Variants in CTNNAL1 observed in about 807,000 individuals in gnomAD.
The protein encoded by CTNNAL1 is catenin alpha like 1.
In CTNNAL1, 69 loss-of-function variants were observed where a neutral mutation model predicts 93.6. The ratio of observed to expected loss-of-function variants is 0.74; its 90% CI spans 0.61 to 0.90. The LOEUF (loss-of-function observed/expected upper bound fraction) is 0.90, where lower values mean the gene tolerates loss of function less well. Ranked by LOEUF, CTNNAL1 falls within the 40% of genes least tolerant of loss-of-function variation. The pLI, the probability that CTNNAL1 is intolerant of heterozygous loss-of-function variation, is 0.00. For synonymous variants in CTNNAL1, 286 were observed against 305.4 expected, an observed-to-expected ratio of 0.94 and a Z score of 0.66; for missense variants, 836 against 862.0, an observed-to-expected ratio of 0.97 and a Z score of 0.38.
intron 17 of CTNNAL1, 119 bp downstream of exon 17, chr9:108,943,584 A>G: frequency 1.4e-6 from 1 of 733,736 alleles, no homozygotes; most frequent in Non-Finnish European, 2.2e-6. Flanking sequence ...TCTTGTAGAC[A>G]AGGCATGAAA....
chr9:109,012,582 G>C (rs1827238213), intron 1 of CTNNAL1, among the ~76,000 whole-genome samples: 2 of 152,212 alleles, frequency 1.3e-5, no homozygotes, highest in Non-Finnish European at 2.9e-5. Context: ...TCGGTTAGCT[G>C]ATTGGCAAAT....
At chr9:108,963,853 G>C (rs1830882954) in intron 11 of CTNNAL1, among the ~76,000 whole-genome samples, 1 of 152,184 alleles carries the variant, frequency 6.6e-6, no homozygotes, top group Non-Finnish European at 1.5e-5. Flanking sequence ...GACTTTTAGA[G>C]CTGACAGGTC....
At chr9:108,960,425 G>A (rs964889119) in intron 11 of CTNNAL1, among the ~76,000 whole-genome samples, 11 of 152,024 alleles carry the variant, frequency 7.2e-5, no homozygotes, top group African/African-American at 1.2e-4. Context: ...CTTTACCCAC[G>A]AACATGTTTA....
chr9:108,983,380 C>G (rs1311232383), intron 5 of CTNNAL1, 65 bp from the exon 6 acceptor site: 1 of 1,335,884 alleles, frequency 7.5e-7, no homozygotes, highest in Non-Finnish European at 9.6e-7. Context: ...AAAAATCTTA[C>G]AGAGAACATG....
intron 11 of CTNNAL1, among the ~76,000 whole-genome samples, chr9:108,964,434 T>A (rs1830900681): frequency 1.3e-5 from 2 of 151,682 alleles, no homozygotes; most frequent in Admixed American, 6.6e-5. Context: ...AGAGAAAAAA[T>A]ATAAACATGT....
intron 2 of CTNNAL1, among the ~76,000 whole-genome samples, chr9:108,995,613 A>G (rs556903748): frequency 3.3e-5 from 5 of 152,356 alleles, no homozygotes; most frequent in African/African-American, 7.2e-5. Flanking sequence ...GTGCCTTAAT[A>G]GGAAAACCCA....
At chr9:109,011,937 T>C (rs747646370) in intron 1 of CTNNAL1, among the ~76,000 whole-genome samples, 1 of 152,234 alleles carries the variant, frequency 6.6e-6, no homozygotes. Context: ...CTTATCTCTC[T>C]GCCTCTTAAA....
intron 9 of CTNNAL1, 38 bp downstream of exon 9, chr9:108,972,637 T>A (rs1467534343): frequency 1.9e-6 from 3 of 1,559,060 alleles, no homozygotes; most frequent in Non-Finnish European, 2.6e-6. Flanking sequence ...ATAAAGCCAT[T>A]ATTAAACTAC....
At chr9:108,984,965 G>C (rs1831561575) in intron 4 of CTNNAL1, among the ~76,000 whole-genome samples, 1 of 152,130 alleles carries the variant, frequency 6.6e-6, no homozygotes, top group Non-Finnish European at 1.5e-5. Flanking sequence ...ATATTCTTAA[G>C]ATGTTTCTTG....
In CTNNAL1 at chr9:108,952,212, GTAAA is replaced by G. The variant is rs776759543; in HGVS notation, c.1828_1831del (p.Phe610LeufsTer7). 1.1e-5 allele frequency: 18 copies of G among 1,606,354 alleles called. No homozygotes were observed. Among genetic ancestry groups the G allele is most frequent in the Non-Finnish European group, 1.4e-5 (17 of 1,176,836 alleles). ...ATAAAAATACAACTACATTTACCTA[GTAAA>G]TAAATACAGAGAATAGGCCATACTG... On this transcript the variant is annotated frameshift_variant, in exon 14 of 19. Coordinates refer to ENST00000325551, the MANE Select transcript of CTNNAL1 (RefSeq NM_003798.4). LOFTEE classifies it high-confidence loss of function.
intron 9 of CTNNAL1, among the ~76,000 whole-genome samples, chr9:108,972,424 C>A (rs1452356013): frequency 5.3e-5 from 8 of 152,164 alleles, no homozygotes; most frequent in Admixed American, 5.2e-4. Context: ...ACTCCAAGGT[C>A]TAACTTCTCT....
In CTNNAL1 at chr9:108,979,424, C is replaced by T. The variant is rs1459557591; in HGVS notation, c.958G>A (p.Val320Met). The T allele has an allele frequency of 6.2e-7, 1 of 1,614,104 alleles. No individual in the cohort carries two copies. The highest frequency in any genetic ancestry group is 8.5e-7 in the Non-Finnish European group (1 of 1,180,012). Residue 320 changes from valine (V) to methionine (M), a missense_variant, in exon 7 of 19, where the codon GTG (valine) becomes ATG (methionine). Coordinates refer to ENST00000325551, the MANE Select transcript of CTNNAL1 (RefSeq NM_003798.4). Reference sequence around the variant, plus strand: ...CGCTCCAAGATGACTTCCAATGTCACAGAAAGGTTCTCTTTGGACTGAAAA... The same window carrying T: ...CGCTCCAAGATGACTTCCAATGTCATAGAAAGGTTCTCTTTGGACTGAAAA... ...LYFQSKENLS[V>M]TLEVILERME...
chr9:108,974,718 A>C (rs1831210608), intron 8 of CTNNAL1, among the ~76,000 whole-genome samples: 1 of 152,144 alleles, frequency 6.6e-6, no homozygotes, highest in African/African-American at 2.4e-5. Flanking sequence ...GCCCAGCTAC[A>C]TGGGAGGATG....
intron 2 of CTNNAL1, among the ~76,000 whole-genome samples, chr9:108,993,323 C>A (rs1252386438): frequency 6.6e-6 from 1 of 152,146 alleles, no homozygotes; most frequent in East Asian, 1.9e-4. Flanking sequence ...GGGCTTTAGG[C>A]CCCAAGGGAT....
At chr9:109,002,890 G>T (rs2132208855) in intron 1 of CTNNAL1, among the ~76,000 whole-genome samples, 1 of 152,180 alleles carries the variant, frequency 6.6e-6, no homozygotes, top group South Asian at 2.1e-4. Flanking sequence ...CTTCTCGAGA[G>T]GCTGAGGCAA....
At chr9:108,981,483 AC>A (rs1219162840) in intron 6 of CTNNAL1, among the ~76,000 whole-genome samples, 36 of 135,972 alleles carry the variant, frequency 2.6e-4, no homozygotes, top group Non-Finnish European at 3.2e-4. Context: ...AAGACAAAAA[AC>A]AAAAAAAAAA....
chr9:108,952,799 T>TG (rs1295498758), intron 12 of CTNNAL1, among the ~76,000 whole-genome samples: 1 of 152,246 alleles, frequency 6.6e-6, no homozygotes, highest in African/African-American at 2.4e-5. Flanking sequence ...AGACAACTTC[T>TG]GCAGTATTCC....
intron 1 of CTNNAL1, among the ~76,000 whole-genome samples, chr9:109,008,159 T>C (rs1296004133): frequency 1.4e-5 from 2 of 141,576 alleles, no homozygotes; most frequent in African/African-American, 5.2e-5. Flanking sequence ...TTTCTTTTTT[T>C]TTTTTTTTTT....
At chr9:108,978,975 G>A (rs1208945836) in intron 7 of CTNNAL1, among the ~76,000 whole-genome samples, 1 of 152,166 alleles carries the variant, frequency 6.6e-6, no homozygotes, top group East Asian at 1.9e-4. Context: ...TTTTGGGGAG[G>A]AATTTTCCAG....
Sources: gnomAD v4.1 joint callset for allele counts (sites outside exome capture counted in the v4.1 genomes callset) on GRCh38, gnomAD v4.1.1 for gene constraint, MANE v1.5 for transcripts, NCBI Gene and HGNC (gene_info 2026-07-23, HGNC 2026-07-21) for gene names.